ASNSD1: variants seen among roughly 807,000 people sequenced by gnomAD.
The protein encoded by ASNSD1 is asparagine synthetase domain-containing protein 1.
Under a neutral mutation model 48.3 loss-of-function variants are expected in ASNSD1, and 36 were observed. The ratio of observed to expected loss-of-function variants is 0.75; its 90% CI spans 0.57 to 0.99. The LOEUF (loss-of-function observed/expected upper bound fraction) is 0.99. Ranked by LOEUF, ASNSD1 falls within the 50% of genes least tolerant of loss-of-function variation. The pLI is 0.00. For synonymous variants in ASNSD1, 257 were observed against 262.1 expected, an observed-to-expected ratio of 0.98 and a Z score of 0.19; for missense variants, 714 against 758.2, an observed-to-expected ratio of 0.94 and a Z score of 0.69.
intron 2 of ASNSD1, among the ~76,000 whole-genome samples, chr2:189,664,759 A>G (rs2032746686): frequency 6.6e-6 from 1 of 152,152 alleles, no homozygotes; most frequent in Admixed American, 6.5e-5. Flanking sequence ...AAAAAAAAAA[A>G]AGAAGTTGAG....
chr2:189,669,641 G>A lies in ASNSD1; in HGVS notation c.1647-800G>A, dbSNP rs527652502. Among the ~76,000 whole-genome samples the A allele has an allele frequency of 6.6e-5, 10 of 152,246 alleles. 1 individual carries two copies. The East Asian group carries it at 1.5e-3, about 23-fold the overall frequency. On this transcript the variant is annotated intron_variant, in intron 5 of 5. Coordinates refer to ENST00000260952, the MANE Select transcript of ASNSD1 (RefSeq NM_019048.4). ...AACCTAGAATAGGATGTAATAAAAC[G>A]GAAACACTAGTGTAACTGTATTGCA...
In ASNSD1 at chr2:189,666,231, T is replaced by C. The variant is rs2032799307; in HGVS notation, c.99T>C (p.Asn33=). Residue 33 remains asparagine (N), a synonymous_variant, in exon 4 of 6, where the codon AAT becomes AAC. Coordinates refer to ENST00000260952, the MANE Select transcript of ASNSD1 (RefSeq NM_019048.4). ...ATAATCTTAAACAGCGGGGACCCAA[T>C]AGTAGTAAACAATTGTTAAAGTCTG... ...LLYNLKQRGP[N]SSKQLLKSDV... is the part of the protein sequence containing the mutation. The C allele has an allele frequency of 1.2e-6, 2 of 1,613,988 alleles. No homozygotes were observed. Among genetic ancestry groups the C allele is most frequent in the African/African-American group, 2.7e-5 (2 of 74,934 alleles).
intron 3 of ASNSD1, among the ~76,000 whole-genome samples, 193 bp downstream of exon 3, chr2:189,665,644 A>ATATATATATATATATATATATATG (rs1455945789): frequency 1.6e-4 from 20 of 123,740 alleles, no homozygotes; most frequent in South Asian, 2.4e-4. Context: ...ATATATATAT[A>ATATATATATATATATATATATATG]TATTATAAAT....
At chr2:189,667,639 T>C (rs534117177) in intron 4 of ASNSD1, 43 bp downstream of exon 4, 48 of 1,549,640 alleles carry the variant, frequency 3.1e-5, no homozygotes, top group Non-Finnish European at 4.2e-5. Flanking sequence ...CTGAGACCTA[T>C]TTTTGACCCT....
chr2:189,668,953 C>G (rs1490789816), intron 5 of ASNSD1, among the ~76,000 whole-genome samples: 1 of 152,176 alleles, frequency 6.6e-6, no homozygotes, highest in African/African-American at 2.4e-5. Context: ...AAAATTCATT[C>G]AAGTAGGCTA....
chr2:189,667,332 T>C lies in ASNSD1; in HGVS notation c.1200T>C (p.His400=), dbSNP rs2032831100. The C allele has an allele frequency of 1.2e-6, 2 of 1,614,028 alleles. No individual in the cohort carries two copies. The highest frequency in any genetic ancestry group is 2.7e-5 in the African/African-American group (2 of 74,924). The change falls in exon 4 of 6, where the codon CAT becomes CAC. Residue 400 remains histidine, a synonymous_variant. Coordinates refer to ENST00000260952, the MANE Select transcript of ASNSD1 (RefSeq NM_019048.4). ...CTGCTGCTGACAGTCCTAATAAACA[T>C]GTCAGTGTACCAGATCGAATCACAG... ...AAAAADSPNK[H]VSVPDRITGR...
chr2:189,666,410 A>T lies in ASNSD1; in HGVS notation c.278A>T (p.Gln93Leu). 1 of 1,614,060 alleles carries T rather than the reference A, an allele frequency of 6.2e-7. No individual in the cohort carries two copies. Among genetic ancestry groups the T allele is most frequent in the Non-Finnish European group, 8.5e-7 (1 of 1,180,020 alleles). ...IKVEAEENDT[Q>L]ILFNYLSSCK... The stretch of plus-strand genomic sequence containing the variant: ...GTTGAAGCTGAAGAGAATGACACTC[A>T]AATTTTGTTTAATTATCTTTCCTCC... The change falls in exon 4 of 6, where the codon CAA becomes CTA. Residue 93 changes from glutamine (Q) to leucine (L), a missense_variant. By Grantham distance (113) the Gln-to-Leu change is moderately radical. Transcript: ENST00000260952.
rs985347849 is a variant in ASNSD1, at chr2:189,661,719, G to T, written c.-223+109G>T. ...TGGGGCCTGCCTGGGCCTCGGCTTT[G>T]CCCTGCTACTTTGCTCTTTTTATTC... On this transcript the variant is annotated intron_variant, in intron 1 of 5. Transcript: ENST00000260952. The T allele has an allele frequency of 9.0e-5, 36 of 398,288 alleles. 1 individual carries two copies. The highest frequency in any genetic ancestry group is 2.1e-4 in the African/African-American group (10 of 48,632). 24.7% of individuals were successfully genotyped at this position (398,288 alleles called of 1,614,324 possible). A position where few individuals can be genotyped will look rare whatever the true frequency, so the allele number is the denominator to read the frequency against.
intron 1 of ASNSD1, 45 bp from the exon 2 acceptor site, chr2:189,663,856 A>G (rs2032728198): frequency 2.6e-6 from 1 of 379,530 alleles, no homozygotes; most frequent in South Asian, 1.3e-4. Context: ...CATTGAGCAT[A>G]CTTTGAAAAC....
chr2:189,668,471 C>T (rs967415844), intron 5 of ASNSD1, among the ~76,000 whole-genome samples: 7 of 151,916 alleles, frequency 4.6e-5, no homozygotes, highest in African/African-American at 1.2e-4. Context: ...ATCGCGCCAC[C>T]GCACTCCAGC....
chr2:189,665,201 T>C (rs2032757853), intron 2 of ASNSD1, among the ~76,000 whole-genome samples, 175 bp from the exon 3 acceptor site: 1 of 152,200 alleles, frequency 6.6e-6, no homozygotes, highest in African/African-American at 2.4e-5. Context: ...ATTTCAGTAG[T>C]AGCAATTTCT....
rs766158997 is a variant in ASNSD1 at position 189,667,589 on chromosome 2, A to G, written c.1457A>G (p.Asn486Ser). The G allele has an allele frequency of 1.2e-6, 2 of 1,602,022 alleles. No individual in the cohort carries two copies. The highest frequency in any genetic ancestry group is 1.7e-6 in the Non-Finnish European group (2 of 1,174,210). ...GAAGGAGTGAAATCCTATCAGAGCA[A>G]TGCAAAGGTATGACACAGTGTTTCT... ...AQEGVKSYQS[N>S]AKVVLTGIGA... is the part of the protein sequence containing the mutation. Residue 486 changes from asparagine (N) to serine (S), a missense_variant, in exon 4 of 6, where the codon AAT becomes AGT. Transcript: ENST00000260952.
intron 2 of ASNSD1, among the ~76,000 whole-genome samples, chr2:189,664,534 T>A (rs900867700): frequency 6.6e-5 from 10 of 152,246 alleles, no homozygotes; most frequent in African/African-American, 2.4e-4. Flanking sequence ...GTAAAGATTA[T>A]GTAATAACTG....
Position 189,667,875 on chromosome 2 carries a change from C to G in ASNSD1, c.1576C>G (p.Leu526Val). The change falls in exon 5 of 6, where the codon CTG (leucine) becomes GTG (valine). Residue 526 changes from leucine (L) to valine (V), a missense_variant. Physicochemically the swap from Leu to Val is conservative, Grantham distance 32. Coordinates refer to ENST00000260952, the MANE Select transcript of ASNSD1 (RefSeq NM_019048.4). ...EGLNKEIMMELGRISSRNLGR... is the reference protein window; with the variant it reads ...EGLNKEIMMEVGRISSRNLGR... ...ATTGAATAAGGAAATAATGATGGAA[C>G]TGGGTCGAATTTCTTCTAGAAATCT... The G allele has an allele frequency of 1.9e-6, 3 of 1,613,968 alleles. No homozygotes were observed. Among genetic ancestry groups the G allele is most frequent in the Non-Finnish European group, 2.5e-6 (3 of 1,180,000 alleles).
chr2:189,661,482 C>T lies in ASNSD1; in HGVS notation c.-351C>T. 2.5e-6 allele frequency: 1 copy of T among 399,156 alleles called. No homozygotes were observed. The highest frequency in any genetic ancestry group is 4.4e-6 in the Non-Finnish European group (1 of 226,146). The allele number at this position is 399,156 out of a possible 1,614,324, so 24.7% of individuals were successfully genotyped here. A position where few individuals can be genotyped will look rare whatever the true frequency, so the allele number is the denominator to read the frequency against. On this transcript the variant is annotated 5_prime_UTR_variant, in exon 1 of 6. Coordinates refer to ENST00000260952, the MANE Select transcript of ASNSD1 (RefSeq NM_019048.4). ...CTGTGGCTAATGCCGTAGGCTCCTT[C>T]AGGGCTGAGCCATCCCGCGTGTCTT...
intron 5 of ASNSD1, 37 bp downstream of exon 5, chr2:189,667,982 T>A: frequency 6.4e-7 from 1 of 1,563,056 alleles, no homozygotes; most frequent in Non-Finnish European, 8.7e-7. Flanking sequence ...ACGGTATTTT[T>A]ATAAAAACAG....
In ASNSD1 at chr2:189,667,263, ATG is replaced by A; in HGVS notation, c.1134_1135del (p.Cys378Ter). The A allele has an allele frequency of 2.5e-6, 4 of 1,614,120 alleles. No homozygotes were observed. The highest frequency in any genetic ancestry group is 3.4e-6 in the Non-Finnish European group (4 of 1,180,006). On this transcript the variant is annotated frameshift_variant, in exon 4 of 6. Coordinates refer to ENST00000260952, the MANE Select transcript of ASNSD1 (RefSeq NM_019048.4). LOFTEE classifies it high-confidence loss of function. ...NREGNKQKNK[C>X]EIPSEEFSKD... ...GAGAAGGGAATAAACAGAAAAATAA[ATG>A]TGAAATACCTTCAGAAGAATTCTCT...
chr2:189,666,182 A>G lies in ASNSD1; in HGVS notation c.50A>G (p.Gln17Arg). The G allele has an allele frequency of 6.2e-7, 1 of 1,603,688 alleles. No homozygotes were observed. Among genetic ancestry groups the G allele is most frequent in the Non-Finnish European group, 8.5e-7 (1 of 1,176,206 alleles). The stretch of plus-strand genomic sequence containing the variant: ...AACTTTTCTGCTGAGCATTTCAGTC[A>G]AGATTTAAAAGAGGACTTACTATAT... Reference protein sequence around the residue: ...SVNFSAEHFSQDLKEDLLYNL... With the variant: ...SVNFSAEHFSRDLKEDLLYNL... Residue 17 changes from glutamine to arginine, a missense_variant, in exon 4 of 6, where the codon CAA becomes CGA. By Grantham distance (43) the Gln-to-Arg change is conservative. Transcript: ENST00000260952.
rs2032825946 is a variant in ASNSD1 at position 189,667,167 on chromosome 2, A to G, written c.1035A>G (p.Leu345=). 6.2e-7 allele frequency: 1 copy of G among 1,614,248 alleles called. No homozygotes were observed. The highest frequency in any genetic ancestry group is 1.7e-5 in the Admixed American group (1 of 60,030). Reference sequence around the variant, plus strand: ...CCCTTGCTGACCGTCATATTCCTTTAGATGAACCAATTGATCTTCTTAATG... The same window carrying G: ...CCCTTGCTGACCGTCATATTCCTTTGGATGAACCAATTGATCTTCTTAATG... ...IATLADRHIP[L]DEPIDLLNVA... is the part of the protein sequence containing the mutation. Residue 345 remains leucine (L), a synonymous_variant, in exon 4 of 6, where the codon TTA becomes TTG. Transcript: ENST00000260952.
Sources: allele counts gnomAD v4.1 joint callset (sites outside exome capture counted in the v4.1 genomes callset), GRCh38; gene constraint gnomAD v4.1.1; transcripts MANE v1.5; gene names NCBI Gene and HGNC (gene_info 2026-07-23, HGNC 2026-07-21).